Variants in CFAP92 observed in about 807,000 individuals in gnomAD.
CFAP92 encodes the protein uncharacterized protein CFAP92.
Under a neutral mutation model 106.3 loss-of-function variants are expected in CFAP92, and 86 were observed. That is an observed-to-expected ratio of 0.81 (90% CI 0.68 to 0.97). The LOEUF (loss-of-function observed/expected upper bound fraction) is 0.97, where lower values mean the gene tolerates loss of function less well. CFAP92 is among the 50% of genes least tolerant of loss of function. The probability of loss-of-function intolerance (pLI) is 0.00; values close to 1 mark genes in which losing one functional copy is unlikely to be tolerated. For missense variants in CFAP92, 1,204 were observed against 1,283.8 expected, an observed-to-expected ratio of 0.94 and a Z score of 0.95; for synonymous variants, 477 against 506.4, an observed-to-expected ratio of 0.94 and a Z score of 0.78.
intron 1 of CFAP92, among the ~76,000 whole-genome samples, chr3:129,001,232 T>C (rs984618404): frequency 5.9e-5 from 9 of 152,030 alleles, no homozygotes; most frequent in African/African-American, 1.7e-4. Context: ...GAGCGAACTC[T>C]CCGCGCCAGG....
At chr3:128,994,102 AG>A (rs1944386921), upstream of CFAP92, 1 of 985,298 alleles carries the variant, frequency 1.0e-6, no homozygotes, top group Non-Finnish European at 1.2e-6. Flanking sequence ...CGGTGCAGGG[AG>A]GGCCGCAGGC....
At chr3:128,910,663 T>C (rs1936186036) in intron 15 of CFAP92, 1 of 1,460,382 alleles carries the variant, frequency 6.8e-7, no homozygotes, top group African/African-American at 1.9e-5. Flanking sequence ...CCAGTTTGGC[T>C]GATAGGCTGG....
chr3:128,998,267 G>T (rs1409200876), upstream of CFAP92, among the ~76,000 whole-genome samples: 1 of 152,144 alleles, frequency 6.6e-6, no homozygotes, highest in East Asian at 1.9e-4. Flanking sequence ...TCTTAATAGT[G>T]TCTTTTGAAG....
upstream of CFAP92, chr3:129,004,148 C>G (rs1183479915): frequency 7.3e-7 from 1 of 1,374,168 alleles, no homozygotes; most frequent in East Asian, 3.1e-5. Flanking sequence ...TTCGGGTGTG[C>G]AATCCCCCTC....
intron 7 of CFAP92, among the ~76,000 whole-genome samples, chr3:128,975,431 GGAT>G (rs1943084817): frequency 4.5e-5 from 1 of 22,244 alleles, no homozygotes; most frequent in Admixed American, 4.0e-4. Context: ...GGATAGGGAT[GGAT>G]GGATGGATGG....
At chr3:128,959,680 A>AG (rs1461262056) in intron 9 of CFAP92, among the ~76,000 whole-genome samples, 2 of 152,252 alleles carry the variant, frequency 1.3e-5, no homozygotes, top group African/African-American at 4.8e-5. Context: ...GGGCTCCTGA[A>AG]GGGAGGTTCA....
At chr3:128,916,371 C>T (rs1261033255) in intron 12 of CFAP92, 100 bp from the exon 13 acceptor site, 3 of 822,854 alleles carry the variant, frequency 3.6e-6, no homozygotes, top group African/African-American at 1.8e-5. Flanking sequence ...AGCTGTGGTG[C>T]AGGTATTGAT....
At chr3:129,002,482 C>T (rs980555065) in intron 1 of CFAP92, 30 of 1,327,288 alleles carry the variant, frequency 2.3e-5, no homozygotes, top group Non-Finnish European at 2.9e-5. Flanking sequence ...TGCATCTTGC[C>T]CCTGTTCCTC....
chr3:128,933,218 GC>G (rs1208908405), intron 11 of CFAP92, among the ~76,000 whole-genome samples: 3 of 152,192 alleles, frequency 2.0e-5, no homozygotes, highest in Non-Finnish European at 4.4e-5. Flanking sequence ...GCCAAAGGCT[GC>G]CCACGGTTTG....
At chr3:128,944,054 C>T (rs1939957662) in intron 10 of CFAP92, among the ~76,000 whole-genome samples, 1 of 151,528 alleles carries the variant, frequency 6.6e-6, no homozygotes, top group Non-Finnish European at 1.5e-5. Flanking sequence ...CTTGGCCACC[C>T]AAGTAGCTGT....
chr3:129,008,395 G>A, the CFAP92 span, among the ~76,000 whole-genome samples: 1 of 152,134 alleles, frequency 6.6e-6, no homozygotes, highest in African/African-American at 2.4e-5. Flanking sequence ...TCTTGATTTT[G>A]ACTTTGGCTC....
chr3:128,983,983 A>G (rs767712624), intron 4 of CFAP92, among the ~76,000 whole-genome samples: 1 of 152,200 alleles, frequency 6.6e-6, no homozygotes, highest in Non-Finnish European at 1.5e-5. Context: ...AACAAACCTG[A>G]GTGCAGAGAA....
intron 15 of CFAP92, chr3:128,912,581 G>T (rs768862099): frequency 3.7e-6 from 6 of 1,614,158 alleles, no homozygotes; most frequent in Non-Finnish European, 4.2e-6. Flanking sequence ...CTATATCTGT[G>T]CCCACCCTCT....
chr3:129,016,393 A>G, the CFAP92 span, among the ~76,000 whole-genome samples: 1 of 152,014 alleles, frequency 6.6e-6, no homozygotes, highest in Non-Finnish European at 1.5e-5. Context: ...GCTCTTTCTG[A>G]AGGACTTTAT....
intron 9 of CFAP92, among the ~76,000 whole-genome samples, chr3:128,953,171 T>C (rs1261873279): frequency 1.3e-5 from 2 of 152,012 alleles, no homozygotes; most frequent in African/African-American, 4.8e-5. Flanking sequence ...CAGAATGGAA[T>C]GTACAGAGGA....
intron 5 of CFAP92, among the ~76,000 whole-genome samples, 166 bp downstream of exon 5, chr3:128,977,879 T>C (rs1023711504): frequency 1.3e-5 from 2 of 152,028 alleles, no homozygotes; most frequent in Non-Finnish European, 2.9e-5. Context: ...AAGTAAGCCA[T>C]GCAGCAAGAG....
chr3:129,009,987 C>G, the CFAP92 span, among the ~76,000 whole-genome samples: 1 of 152,218 alleles, frequency 6.6e-6, no homozygotes, highest in Non-Finnish European at 1.5e-5. Flanking sequence ...CCTGAGGGAG[C>G]ACAAGGGCTT....
chr3:128,932,971 G>A lies in CFAP92; in HGVS notation c.2480C>T (p.Thr827Ile). The A allele has an allele frequency of 6.5e-7, 1 of 1,536,094 alleles. No individual in the cohort carries two copies. Among genetic ancestry groups the A allele is most frequent in the South Asian group, 1.2e-5 (1 of 84,054 alleles). The change falls in exon 12 of 16, where the codon ACC (threonine) becomes ATC (isoleucine). Residue 827 changes from threonine (T) to isoleucine (I), a missense_variant. Transcript: ENST00000645291. ...CCTCACCGTCACGTCCCAGAGGGTG[G>A]TGCTGTTATAGCAGATGTCGTGGAT... The part of the protein sequence containing the change: ...ARIHDICYNS[T>I]TLWDVTVRDL...
At position 128,909,978 on chromosome 3, in the gene CFAP92, G is replaced by A; in HGVS notation, c.*321C>T. On this transcript the variant is annotated 3_prime_UTR_variant, in exon 16 of 16. Coordinates refer to ENST00000645291, the MANE Select transcript of CFAP92 (RefSeq NM_001394090.1). ...CCAGGGAGGGACCATGTGGGGGACT[G>A]GTCTAGGTAGTGAGTCCCCACTTGG... The A allele has an allele frequency of 6.2e-7, 1 of 1,608,482 alleles. No homozygotes were observed. The highest frequency in any genetic ancestry group is 8.5e-7 in the Non-Finnish European group (1 of 1,178,010).
Sources: allele counts gnomAD v4.1 joint callset (sites outside exome capture counted in the v4.1 genomes callset), GRCh38; gene constraint gnomAD v4.1.1; transcripts MANE v1.5; gene names NCBI Gene and HGNC (gene_info 2026-07-23, HGNC 2026-07-21).